STAB2: variants seen among roughly 807,000 people sequenced by gnomAD.
STAB2 encodes stabilin 2, also known as stabilin-2.
STAB2 carries 288 observed loss-of-function variants against 338.1 expected under a neutral mutation model. The ratio of observed to expected loss-of-function variants is 0.85; its 90% confidence interval spans 0.77 to 0.94. The LOEUF is 0.94. Ranked by LOEUF, STAB2 falls within the 40% of genes least tolerant of loss-of-function variation. The pLI, the probability that STAB2 is intolerant of heterozygous loss-of-function variation, is 0.00. For missense variants in STAB2, 3,141 were observed against 3,210.1 expected, an observed-to-expected ratio of 0.98 and a Z score of 0.52; for synonymous variants, 1,202 against 1,193.3, an observed-to-expected ratio of 1.01 and a Z score of -0.15.
chr12:103,670,694 A>G lies in STAB2; in HGVS notation c.2260-2A>G. ...GCCCATGGGCCCTGCCTTTGCTCCC[A>G]GTGTGCAGATAGCCTCGGCGGCAAC... is the stretch of plus-strand genomic sequence containing the variant. On this transcript the variant is annotated splice_acceptor_variant, in intron 21 of 68. Coordinates refer to ENST00000388887, the MANE Select transcript of STAB2 (RefSeq NM_017564.10). LOFTEE classifies it high-confidence loss of function. The G allele has an allele frequency of 6.2e-7, 1 of 1,613,536 alleles. No individual in the cohort carries two copies. Among genetic ancestry groups the G allele is most frequent in the Non-Finnish European group, 8.5e-7 (1 of 1,179,652 alleles).
Position 103,695,663 on chromosome 12 carries a change from C to A in STAB2, c.3474+15C>A, listed in dbSNP as rs1459297543. The A allele has an allele frequency of 6.2e-7, 1 of 1,614,074 alleles. No homozygotes were observed. The highest frequency in any genetic ancestry group is 1.3e-5 in the African/African-American group (1 of 74,922). ...GCTACATCATTGCAAGTACCACATT[C>A]TCTGCCTGACCACCATGCTCAGGTT... On this transcript the variant is annotated intron_variant, in intron 32 of 68. Transcript: ENST00000388887.
rs1883065666 is a variant in STAB2, at chr12:103,746,711, C to T, written c.6244+7C>T. The stretch of plus-strand genomic sequence containing the variant: ...GACGGAATCACATGCACAGGTAAGC[C>T]ACCTTTGTGCACAGGTGAAATAGCA... On this transcript the variant is annotated splice_region_variant and intron_variant, in intron 58 of 68. Transcript: ENST00000388887. 7 of 1,612,692 alleles carry T rather than the reference C, an allele frequency of 4.3e-6. No individual in the cohort carries two copies. Among genetic ancestry groups the T allele is most frequent in the African/African-American group, 1.3e-5 (1 of 75,012 alleles).
rs568761924 is a variant in STAB2 at position 103,678,358 on chromosome 12, A to G, written c.2805+747A>G. Among the ~76,000 whole-genome samples, 6 of 152,278 alleles carry G rather than the reference A, an allele frequency of 3.9e-5. No individual in the cohort carries two copies. In the South Asian group the frequency reaches 6.2e-4, roughly 16 times the overall value. On this transcript the variant is annotated intron_variant, in intron 25 of 68. Coordinates refer to ENST00000388887, the MANE Select transcript of STAB2 (RefSeq NM_017564.10). ...GGAAAGCCTAACCTTGCTCACCATG[A>G]TATCTCCCACTTGACCCCGAGCCTT...
intron 68 of STAB2, among the ~76,000 whole-genome samples, chr12:103,764,286 T>A (rs1236379939): frequency 6.6e-6 from 1 of 152,210 alleles, no homozygotes; most frequent in Non-Finnish European, 1.5e-5. Flanking sequence ...ACACTGACAT[T>A]GTTGTCCAAG....
At chr12:103,748,607 C>CAT (rs1883285806) in intron 58 of STAB2, among the ~76,000 whole-genome samples, 2 of 16,314 alleles carry the variant, frequency 1.2e-4, no homozygotes, top group African/African-American at 2.2e-4. Context: ...CACACACATA[C>CAT]ACACACACAC....
At chr12:103,646,811 A>T (rs970605383) in intron 9 of STAB2, among the ~76,000 whole-genome samples, 1 of 152,200 alleles carries the variant, frequency 6.6e-6, no homozygotes, top group African/African-American at 2.4e-5. Context: ...ATCTTCTAGG[A>T]CAGTATACCA....
Position 103,695,619 on chromosome 12 carries a change from G to T in STAB2, c.3445G>T (p.Asp1149Tyr). 1.2e-6 allele frequency: 2 copies of T among 1,614,182 alleles called. No individual in the cohort carries two copies. Among genetic ancestry groups the T allele is most frequent in the African/African-American group, 1.3e-5 (1 of 75,044 alleles). ...GCTCATGCGGCTGGAACAGATGCCT[G>T]ACTATTCCATCTTCCGGGGCTACAT... Reference protein sequence around the residue: ...NLLMRLEQMPDYSIFRGYIIQ... With the variant: ...NLLMRLEQMPYYSIFRGYIIQ... Residue 1149 changes from aspartate to tyrosine, a missense_variant, in exon 32 of 69, where the codon GAC becomes TAC. By Grantham distance (160) the Asp-to-Tyr change is radical. Transcript: ENST00000388887.
At position 103,654,657 on chromosome 12, in the gene STAB2, G is replaced by C. The variant is rs774187593; in HGVS notation, c.1510G>C (p.Ala504Pro). The stretch of plus-strand genomic sequence containing the variant: ...TGGGCTTCTGCACATCCTTGACAGA[G>C]CCATGGACAAGTTAGAACCCACATT... Reference protein sequence around the residue: ...SNGLLHILDRAMDKLEPTFES... With the variant: ...SNGLLHILDRPMDKLEPTFES... The change falls in exon 13 of 69, where the codon GCC becomes CCC. Residue 504 changes from alanine to proline, a missense_variant. Coordinates refer to ENST00000388887, the MANE Select transcript of STAB2 (RefSeq NM_017564.10). 6.2e-7 allele frequency: 1 copy of C among 1,614,034 alleles called. No individual in the cohort carries two copies. Among genetic ancestry groups the C allele is most frequent in the Non-Finnish European group, 8.5e-7 (1 of 1,180,016 alleles).
intron 27 of STAB2, among the ~76,000 whole-genome samples, chr12:103,685,461 C>CGTGT (rs371511016): frequency 9.3e-6 from 1 of 108,102 alleles, no homozygotes; most frequent in African/African-American, 2.9e-5. Flanking sequence ...TGTGCGCGTG[C>CGTGT]GTGTGTGTGT....
chr12:103,651,011 G>T (rs1379253628), intron 11 of STAB2, among the ~76,000 whole-genome samples: 1 of 152,146 alleles, frequency 6.6e-6, no homozygotes, highest in Non-Finnish European at 1.5e-5. Flanking sequence ...CATTATAAAT[G>T]GTACAAGCGA....
At chr12:103,662,183 G>A (rs1049951227) in intron 17 of STAB2, among the ~76,000 whole-genome samples, 3 of 152,156 alleles carry the variant, frequency 2.0e-5, no homozygotes, top group African/African-American at 7.2e-5. Flanking sequence ...TGCAAAAACT[G>A]TGATTATTTT....
At chr12:103,688,939 A>G (rs1379218688) in intron 28 of STAB2, among the ~76,000 whole-genome samples, 1 of 152,122 alleles carries the variant, frequency 6.6e-6, no homozygotes, top group African/African-American at 2.4e-5. Context: ...TCATTTTGGT[A>G]TCTTGAAATC....
In STAB2 at chr12:103,662,850, A is replaced by G. The variant is rs749843805; in HGVS notation, c.1874A>G (p.Gln625Arg). ...GATGTCATTTTTTCTTTCCAGGGAC[A>G]GATTCTGGCAAATGATGTGGCAATG... is the stretch of plus-strand genomic sequence containing the variant. The part of the protein sequence containing the change: ...LIQFNTTDNG[Q>R]ILANDVAMEE... The change falls in exon 18 of 69, where the codon CAG becomes CGG. Residue 625 changes from glutamine to arginine, a missense_variant. Coordinates refer to ENST00000388887, the MANE Select transcript of STAB2 (RefSeq NM_017564.10). 55 of 1,614,096 alleles carry G rather than the reference A, an allele frequency of 3.4e-5. No individual in the cohort carries two copies. The highest frequency in any genetic ancestry group is 4.6e-5 in the Non-Finnish European group (54 of 1,180,040).
chr12:103,740,485 C>T, intron 54 of STAB2, 145 bp from the exon 55 acceptor site: 1 of 1,093,908 alleles, frequency 9.1e-7, no homozygotes, highest in Middle Eastern at 3.0e-4. Flanking sequence ...AAAATATCAC[C>T]TTGGAAAAAA....
At chr12:103,676,360 C>A (rs1449937591) in intron 24 of STAB2, among the ~76,000 whole-genome samples, 1 of 152,104 alleles carries the variant, frequency 6.6e-6, no homozygotes, top group Non-Finnish European at 1.5e-5. Context: ...CCCAGCCCTG[C>A]CTGGTTTCTT....
chr12:103,729,755 T>G (rs1881486609), intron 48 of STAB2, among the ~76,000 whole-genome samples: 1 of 152,004 alleles, frequency 6.6e-6, no homozygotes. Context: ...CCCTCCCTAC[T>G]ACAGAGAAAA....
chr12:103,740,435 TC>T (rs1200601370), intron 54 of STAB2, among the ~76,000 whole-genome samples, 194 bp from the exon 55 acceptor site: 4 of 151,700 alleles, frequency 2.6e-5, no homozygotes, highest in Non-Finnish European at 5.9e-5. Context: ...CTAGATCTAC[TC>T]CCTCCCCTAT....
intron 52 of STAB2, 107 bp from the exon 53 acceptor site, chr12:103,737,527 A>T: frequency 2.4e-6 from 3 of 1,262,190 alleles, no homozygotes; most frequent in Non-Finnish European, 3.2e-6. Context: ...GTTACTGGCC[A>T]TGTTACATGG....
In STAB2 at chr12:103,717,861, G is replaced by A. The variant is rs376133753; in HGVS notation, c.4683+20G>A. 209 of 1,613,362 alleles carry A rather than the reference G, an allele frequency of 1.3e-4. No individual in the cohort carries two copies. The highest frequency in any genetic ancestry group is 1.6e-4 in the Non-Finnish European group (194 of 1,179,544). On this transcript the variant is annotated intron_variant, in intron 44 of 68. Transcript: ENST00000388887. Reference sequence around the variant, plus strand: ...TTAACTGTGAGTATGGCTCTAGGGTGGATATCCTTCAAGCCTCAGAGCCCA... The same window carrying A: ...TTAACTGTGAGTATGGCTCTAGGGTAGATATCCTTCAAGCCTCAGAGCCCA...
Sources: gnomAD v4.1 joint callset for allele counts (sites outside exome capture counted in the v4.1 genomes callset) on GRCh38, gnomAD v4.1.1 for gene constraint, MANE v1.5 for transcripts, NCBI Gene and HGNC (gene_info 2026-07-23, HGNC 2026-07-21) for gene names.